The following SEC16A variants were observed in gnomAD, a reference collection of about 807,000 sequenced individuals.
SEC16A encodes the protein protein transport protein Sec16A.
SEC16A carries 110 observed loss-of-function variants against 221.9 expected under a neutral mutation model. The ratio of observed to expected loss-of-function variants is 0.50; its 90% CI spans 0.42 to 0.58. SEC16A has a LOEUF of 0.58. Ranked by LOEUF, SEC16A falls within the 20% of genes least tolerant of loss-of-function variation. SEC16A has a pLI of 0.00. For synonymous variants in SEC16A, 1,393 were observed against 1,257.7 expected, an observed-to-expected ratio of 1.11 and a Z score of -2.28; for missense variants, 3,165 against 3,097.8, an observed-to-expected ratio of 1.02 and a Z score of -0.52.
Position 136,476,362 on chromosome 9 carries a change from C to T in SEC16A, c.1254G>A (p.Val418=), listed in dbSNP as rs570399253. 6 of 1,612,714 alleles carry T rather than the reference C, an allele frequency of 3.7e-6. No individual in the cohort carries two copies. The highest frequency in any genetic ancestry group is 5.1e-6 in the Non-Finnish European group (6 of 1,179,876). The part of the protein sequence containing the change: ...GLGRPPAPTH[V]GAGSLCQALL... Reference sequence around the variant, plus strand: ...GGGCCTGGCAGAGGCTGCCTGCCCCCACGTGTGTAGGTGCGGGCGGACGGC... The same window carrying T: ...GGGCCTGGCAGAGGCTGCCTGCCCCTACGTGTGTAGGTGCGGGCGGACGGC... Residue 418 remains valine, a synonymous_variant, in exon 3 of 32, where the codon GTG becomes GTA. Transcript: ENST00000684901.
In SEC16A at chr9:136,472,024, C is replaced by A; in HGVS notation, c.3655G>T (p.Glu1219Ter). The change falls in exon 4 of 32, where the codon GAG becomes TAG. Residue 1219 changes from glutamate to a stop codon, truncating the protein, a stop_gained. Transcript: ENST00000684901. LOFTEE classifies it high-confidence loss of function. ...TGGCTGGCTCGGGAGCTGGGCCGCT[C>A]GGGCTCGGGATAGCGGTAGTTCTGG... ...YAQNYRYPEP[E>*]RPSSRASHSS... The A allele has an allele frequency of 6.2e-7, 1 of 1,611,984 alleles. No homozygotes were observed. Among genetic ancestry groups the A allele is most frequent in the Non-Finnish European group, 8.5e-7 (1 of 1,179,854 alleles).
At position 136,447,193 on chromosome 9, in the gene SEC16A, C is replaced by A. The variant is rs1302831010; in HGVS notation, c.6697+34G>T. 1 of 1,575,850 alleles carries A rather than the reference C, an allele frequency of 6.3e-7. No individual in the cohort carries two copies. The highest frequency in any genetic ancestry group is 8.6e-7 in the Non-Finnish European group (1 of 1,160,838). On this transcript the variant is annotated intron_variant, in intron 27 of 31. Transcript: ENST00000684901. The surrounding 1 kb of genome is among the most constrained non-coding windows in gnomAD (Gnocchi z 5.5). ...GGATCAAAGGTCAGGAGACTGGGGG[C>A]TGACCTGGAGGGGCTGGTGCTCGTG...
intron 1 of SEC16A, among the ~76,000 whole-genome samples, chr9:136,482,001 A>C (rs1842434530): frequency 1.3e-5 from 2 of 151,924 alleles, no homozygotes; most frequent in Admixed American, 1.3e-4. Flanking sequence ...AAAGAAAAAG[A>C]AAAAAAAAGT....
intron 30 of SEC16A, 123 bp downstream of exon 30, chr9:136,444,929 G>A (rs1016120719): frequency 2.6e-5 from 17 of 666,512 alleles, no homozygotes; most frequent in Admixed American, 9.2e-5. Flanking sequence ...GTCACGTGAC[G>A]CTGAGGGAGA....
chr9:136,454,616 T>C (rs900813598), intron 20 of SEC16A, among the ~76,000 whole-genome samples: 1 of 152,198 alleles, frequency 6.6e-6, no homozygotes, highest in Admixed American at 6.5e-5. Flanking sequence ...GGCGGCCGCC[T>C]GGCACAGAGC....
chr9:136,449,540 A>G (rs1055898260), intron 23 of SEC16A, among the ~76,000 whole-genome samples: 2 of 151,514 alleles, frequency 1.3e-5, no homozygotes, highest in African/African-American at 2.4e-5. Flanking sequence ...GAGCCGCCGC[A>G]CCCTGACTCC....
rs182343419 is a variant in SEC16A at position 136,466,396 on chromosome 9, G to C, written c.3996C>G (p.Pro1332=). The part of the protein sequence containing the change: ...PRFTGSFDDD[P]DPHRDPYGEE... ...CCCCATAAGGGTCTCTGTGCGGATCGGGGTCATCGTCAAAACTCCCCGTGA... is the reference window on the plus strand; with the variant it reads ...CCCCATAAGGGTCTCTGTGCGGATCCGGGTCATCGTCAAAACTCCCCGTGA... The change falls in exon 7 of 32, where the codon CCC becomes CCG. Residue 1332 remains proline (P), a synonymous_variant. Transcript: ENST00000684901. The surrounding 1 kb of genome is among the most constrained non-coding windows in gnomAD (Gnocchi z 5.5). 3.7e-6 allele frequency: 6 copies of C among 1,604,630 alleles called. No individual in the cohort carries two copies. The highest frequency in any genetic ancestry group is 5.1e-6 in the Non-Finnish European group (6 of 1,175,880).
intron 21 of SEC16A, 121 bp from the exon 22 acceptor site, chr9:136,453,631 G>A: frequency 1.3e-6 from 1 of 746,090 alleles, no homozygotes; most frequent in South Asian, 1.5e-5. Context: ...AGCATGATCT[G>A]CAGAAACCAA....
At position 136,441,305 on chromosome 9, in the gene SEC16A, C is replaced by A. The variant is rs375748587; in HGVS notation, c.*450G>T. ...GGGGTTGGGGTCTGCCTCAGTCACC[C>A]TCTCTTTGCTCCCAGCACCTTAAAG... On this transcript the variant is annotated 3_prime_UTR_variant, in exon 32 of 32. Transcript: ENST00000684901. The A allele has an allele frequency of 3.1e-4, 61 of 194,490 alleles. No homozygotes were observed. In the East Asian group the frequency reaches 4.8e-3, roughly 15 times the overall value. 12.0% of individuals were successfully genotyped at this position (194,490 alleles called of 1,614,324 possible).
intron 30 of SEC16A, 39 bp from the exon 31 acceptor site, chr9:136,443,939 T>C: frequency 2.0e-6 from 3 of 1,471,084 alleles, no homozygotes; most frequent in Non-Finnish European, 2.8e-6. Context: ...AGGGCTGCGC[T>C]GCACAGCAGC....
intron 30 of SEC16A, 36 bp from the exon 31 acceptor site, chr9:136,443,936 C>A: frequency 1.3e-6 from 2 of 1,485,016 alleles, no homozygotes; most frequent in East Asian, 2.3e-5. Flanking sequence ...AGCAGGGCTG[C>A]GCTGCACAGC....
intron 3 of SEC16A, among the ~76,000 whole-genome samples, chr9:136,473,470 G>GA (rs1445060845): frequency 1.3e-5 from 2 of 152,244 alleles, no homozygotes; most frequent in Non-Finnish European, 2.9e-5. Flanking sequence ...AGGCACAGAA[G>GA]AATCTTCTGC....
chr9:136,451,322 G>A lies in SEC16A; in HGVS notation c.6246C>T (p.Leu2082=). 1 of 1,613,754 alleles carries A rather than the reference G, an allele frequency of 6.2e-7. No homozygotes were observed. Residue 2082 remains leucine (L), a synonymous_variant, in exon 23 of 32, where the codon CTC becomes CTT. Coordinates refer to ENST00000684901, the MANE Select transcript of SEC16A (RefSeq NM_014866.2). ...GTCTCTTTGTTTCGGGAGCGGGTGA[G>A]AGAGACAGAGGTGGCTGCGTGGGAC... is the stretch of plus-strand genomic sequence containing the variant. ...DSGPTQPPLS[L]SPAPETKRPG...
rs980825723 is a variant in SEC16A, at chr9:136,441,703, G to A, written c.*52C>T. On this transcript the variant is annotated 3_prime_UTR_variant, in exon 32 of 32. Coordinates refer to ENST00000684901, the MANE Select transcript of SEC16A (RefSeq NM_014866.2). Reference sequence around the variant, plus strand: ...ATCGCGGAGGTCGGTCGGGTTCTTCGGGGAGAACAGCAGCGTCAGGGCTCC... The same window carrying A: ...ATCGCGGAGGTCGGTCGGGTTCTTCAGGGAGAACAGCAGCGTCAGGGCTCC... 1.1e-4 allele frequency: 164 copies of A among 1,557,504 alleles called. 1 individual carries two copies. The highest frequency in any genetic ancestry group is 1.9e-4 in the South Asian group (17 of 89,860).
chr9:136,448,826 G>A, intron 23 of SEC16A: 2 of 714,082 alleles, frequency 2.8e-6, no homozygotes, highest in Non-Finnish European at 2.6e-6. Flanking sequence ...ATGGAGGTGG[G>A]AAGCAGATCC....
Position 136,477,679 on chromosome 9 carries a change from T to C in SEC16A, c.-64A>G, listed in dbSNP as rs1841828336. On this transcript the variant is annotated 5_prime_UTR_variant, in exon 3 of 32. Transcript: ENST00000684901. ...GAAGCAGGATATAGCTGTTCCTTAATTGGAGCTGGAAAAGAAAAAGAGAAA... is the reference window on the plus strand; with the variant it reads ...GAAGCAGGATATAGCTGTTCCTTAACTGGAGCTGGAAAAGAAAAAGAGAAA... The C allele has an allele frequency of 4.1e-6, 6 of 1,476,950 alleles. No individual in the cohort carries two copies. In the Admixed American group the frequency reaches 7.7e-5, roughly 19 times the overall value. 91.5% of individuals were successfully genotyped at this position (1,476,950 alleles called of 1,614,324 possible).
At chr9:136,482,327 C>A (rs1397089773) in intron 1 of SEC16A, among the ~76,000 whole-genome samples, 1 of 152,188 alleles carries the variant, frequency 6.6e-6, no homozygotes, top group East Asian at 1.9e-4. Flanking sequence ...TCTTAATATA[C>A]AATCCACACC....
At position 136,460,249 on chromosome 9, in the gene SEC16A, G is replaced by C. The variant is rs1005615544; in HGVS notation, c.4992-126C>G. On this transcript the variant is annotated intron_variant, in intron 13 of 31. Transcript: ENST00000684901. Reference sequence around the variant, plus strand: ...AGGCCAAAGTGGGCGGATCACCTGAGGTCAGAAGTTAAGAGACTAACATGG... The same window carrying C: ...AGGCCAAAGTGGGCGGATCACCTGACGTCAGAAGTTAAGAGACTAACATGG... 120 of 670,160 alleles carry C rather than the reference G, an allele frequency of 1.8e-4. 3 individuals are homozygous for C. The highest frequency in any genetic ancestry group is 2.0e-4 in the South Asian group (11 of 56,184). 41.5% of individuals were successfully genotyped at this position (670,160 alleles called of 1,614,324 possible).
chr9:136,451,503 T>C, intron 22 of SEC16A, 95 bp from the exon 23 acceptor site: 1 of 1,375,672 alleles, frequency 7.3e-7, no homozygotes, highest in Non-Finnish European at 9.7e-7. Context: ...GTTTCCTAAA[T>C]ACATCACTGA....
Sources: allele counts gnomAD v4.1 joint callset (sites outside exome capture counted in the v4.1 genomes callset), GRCh38; gene constraint gnomAD v4.1.1; non-coding constraint Gnocchi (gnomAD v3.1); transcripts MANE v1.5; gene names NCBI Gene and HGNC (gene_info 2026-07-23, HGNC 2026-07-21).